The following MAGI2 variants were observed in gnomAD, a reference collection of about 807,000 sequenced individuals.
MAGI2 encodes the protein membrane associated guanylate kinase, WW and PDZ domain containing 2, also known as membrane-associated guanylate kinase, WW and PDZ domain-containing protein 2.
A neutral mutation model predicts 133.3 loss-of-function variants in MAGI2; 35 were observed. The ratio of observed to expected loss-of-function variants is 0.26; its 90% CI spans 0.20 to 0.35. MAGI2 has a LOEUF of 0.35. Among genes scored for constraint, MAGI2 ranks in the 10% least tolerant of loss-of-function variants. The pLI, the probability that MAGI2 is intolerant of heterozygous loss-of-function variation, is 1.00. For synonymous variants in MAGI2, 729 were observed against 710.6 expected, an observed-to-expected ratio of 1.03 and a Z score of -0.41; for missense variants, 1,636 against 1,863.4, an observed-to-expected ratio of 0.88 and a Z score of 2.25.
intron 3 of MAGI2, among the ~76,000 whole-genome samples, chr7:78,596,498 A>G (rs563575123): frequency 1.3e-5 from 2 of 152,330 alleles, no homozygotes; most frequent in South Asian, 4.1e-4. Context: ...GGAACAGAGC[A>G]AAAGGAGCTT....
intron 1 of MAGI2, among the ~76,000 whole-genome samples, chr7:79,368,957 G>GTCAGAA (rs1264717471): frequency 1.3e-5 from 2 of 151,758 alleles, no homozygotes; most frequent in Non-Finnish European, 2.9e-5. Context: ...TGACCTGTGT[G>GTCAGAA]GTGGTCTACT....
chr7:78,734,073 T>C (rs902912775), intron 2 of MAGI2, among the ~76,000 whole-genome samples: 3 of 152,092 alleles, frequency 2.0e-5, no homozygotes, highest in African/African-American at 7.2e-5. Flanking sequence ...AGAACGACAA[T>C]AGATGATATC....
chr7:79,097,113 G>C (rs77039220), intron 1 of MAGI2, among the ~76,000 whole-genome samples: 10 of 151,980 alleles, frequency 6.6e-5, no homozygotes, highest in Non-Finnish European at 1.3e-4. Context: ...CTCACTGAAG[G>C]CTTTCAATAT....
intron 1 of MAGI2, among the ~76,000 whole-genome samples, chr7:79,439,496 T>C (rs1303345010): frequency 2.0e-5 from 3 of 152,100 alleles, no homozygotes; most frequent in African/African-American, 7.2e-5. Flanking sequence ...CCCTCCTATG[T>C]GCTGTAAAGG....
intron 2 of MAGI2, among the ~76,000 whole-genome samples, chr7:78,870,839 T>C (rs1446326567): frequency 6.6e-6 from 1 of 152,122 alleles, no homozygotes; most frequent in Non-Finnish European, 1.5e-5. Flanking sequence ...AAATACGGTA[T>C]ATATACACCA....
chr7:78,807,295 C>T (rs1157018581), intron 2 of MAGI2, among the ~76,000 whole-genome samples: 1 of 151,992 alleles, frequency 6.6e-6, no homozygotes, highest in African/African-American at 2.4e-5. Flanking sequence ...TTTATGAATG[C>T]ATTAAAACAG....
intron 1 of MAGI2, among the ~76,000 whole-genome samples, chr7:79,132,978 G>T (rs1821074651): frequency 6.6e-6 from 1 of 152,008 alleles, no homozygotes; most frequent in South Asian, 2.1e-4. Flanking sequence ...CATGTCCGTT[G>T]TCCACTTTTT....
intron 2 of MAGI2, among the ~76,000 whole-genome samples, chr7:78,813,540 C>A (rs1365300623): frequency 6.6e-6 from 1 of 152,118 alleles, no homozygotes; most frequent in Non-Finnish European, 1.5e-5. Context: ...AATCCCAACA[C>A]TTTGGGAGGC....
At chr7:79,033,759 C>T (rs897301407) in intron 1 of MAGI2, among the ~76,000 whole-genome samples, 8 of 152,018 alleles carry the variant, frequency 5.3e-5, no homozygotes, top group African/African-American at 7.2e-5. Context: ...ATAATAAGGG[C>T]GGGGCTTTTG....
At chr7:78,088,518 G>C (rs1251540779) in intron 20 of MAGI2, among the ~76,000 whole-genome samples, 1 of 152,168 alleles carries the variant, frequency 6.6e-6, no homozygotes, top group Non-Finnish European at 1.5e-5. Flanking sequence ...GAATGGGCAG[G>C]GTTAATGCAA....
intron 1 of MAGI2, among the ~76,000 whole-genome samples, chr7:79,256,578 C>T (rs1833700844): frequency 2.0e-5 from 3 of 148,260 alleles, no homozygotes; most frequent in East Asian, 2.0e-4. Flanking sequence ...CAACCTGGAC[C>T]TCCCTGGGCT....
intron 2 of MAGI2, among the ~76,000 whole-genome samples, chr7:78,948,219 C>T (rs1418356259): frequency 6.6e-6 from 1 of 151,948 alleles, no homozygotes; most frequent in African/African-American, 2.4e-5. Flanking sequence ...ACCTGAGTCA[C>T]TTCATTTTAC....
intron 2 of MAGI2, among the ~76,000 whole-genome samples, chr7:78,666,925 T>G (rs986526195): frequency 6.6e-6 from 1 of 152,178 alleles, no homozygotes; most frequent in Non-Finnish European, 1.5e-5. Context: ...CCATTCTTTA[T>G]GAAATGTGAT....
chr7:78,492,389 T>C (rs1056471668), intron 5 of MAGI2, among the ~76,000 whole-genome samples: 1 of 152,100 alleles, frequency 6.6e-6, no homozygotes, highest in African/African-American at 2.4e-5. Flanking sequence ...CCAGTAATTG[T>C]CTTAAACATC....
chr7:78,766,017 C>A (rs771621886), intron 2 of MAGI2, among the ~76,000 whole-genome samples: 2 of 152,178 alleles, frequency 1.3e-5, no homozygotes, highest in Non-Finnish European at 2.9e-5. Flanking sequence ...AACAGCTGTA[C>A]GAATCCAAGA....
intron 1 of MAGI2, among the ~76,000 whole-genome samples, chr7:79,110,733 G>C (rs2191723): frequency 6.6e-6 from 1 of 151,884 alleles, no homozygotes; most frequent in Admixed American, 6.6e-5. Flanking sequence ...GGAGCCAGGG[G>C]TGTAATAATA....
chr7:79,309,803 T>G (rs369417747), intron 1 of MAGI2, among the ~76,000 whole-genome samples: 233 of 151,620 alleles, frequency 1.5e-3, no homozygotes, highest in African/African-American at 5.4e-3. Flanking sequence ...TTAGTCCCTC[T>G]CAAATGCAAT....
At chr7:78,157,498 A>G (rs1362694965) in intron 16 of MAGI2, among the ~76,000 whole-genome samples, 7 of 151,964 alleles carry the variant, frequency 4.6e-5, no homozygotes, top group Admixed American at 6.6e-5. Flanking sequence ...GTTTCTTTAC[A>G]TAGTAAGTGC....
chr7:78,536,144 G>A (rs1797891907), intron 3 of MAGI2, among the ~76,000 whole-genome samples: 3 of 94,914 alleles, frequency 3.2e-5, no homozygotes, highest in Admixed American at 1.7e-4. Flanking sequence ...ACGGAGTCTC[G>A]CTCTGTCGCC....
Sources: gnomAD v4.1 joint callset for allele counts (sites outside exome capture counted in the v4.1 genomes callset) on GRCh38, gnomAD v4.1.1 for gene constraint, MANE v1.5 for transcripts, NCBI Gene and HGNC (gene_info 2026-07-23, HGNC 2026-07-21) for gene names.